TXLNG: variants seen among roughly 807,000 people sequenced by gnomAD.
The protein encoded by TXLNG is gamma-taxilin.
TXLNG carries 5 observed loss-of-function variants against 38.8 expected under a neutral mutation model. That is an observed-to-expected ratio of 0.13 (90% CI 0.07 to 0.27). The LOEUF (loss-of-function observed/expected upper bound fraction) is 0.27, where lower values mean the gene tolerates loss of function less well. TXLNG is among the 10% of genes least tolerant of loss of function. The pLI is 1.00. For synonymous variants in TXLNG, 182 were observed against 158.2 expected, an observed-to-expected ratio of 1.15 and a Z score of -1.13; for missense variants, 393 against 398.2, an observed-to-expected ratio of 0.99 and a Z score of 0.11.
chrX:16,815,275 A>T, intron 1 of TXLNG, among the ~76,000 whole-genome samples: 1 of 110,726 alleles, frequency 9.0e-6, no homozygotes, highest in Admixed American at 9.7e-5. Context: ...TCCCAGGTTC[A>T]AGCAATTCTC....
chrX:16,832,657 A>G lies in TXLNG; in HGVS notation c.899A>G (p.Gln300Arg). 2 of 1,211,154 alleles carry G rather than the reference A, an allele frequency of 1.7e-6. No homozygotes were observed. Among genetic ancestry groups the G allele is most frequent in the Non-Finnish European group, 2.2e-6 (2 of 895,167 alleles). The change falls in exon 6 of 10, where the codon CAA becomes CGA. Residue 300 changes from glutamine (Q) to arginine (R), a missense_variant. Transcript: ENST00000380122. ...IDKVFKHKEL[Q>R]QQLVDAKLQQ... ...AAGGTGTTCAAACATAAGGAACTGCAACAGCAGCTCGTGGATGCCAAACTG... is the reference window on the plus strand; with the variant it reads ...AAGGTGTTCAAACATAAGGAACTGCGACAGCAGCTCGTGGATGCCAAACTG...
At chrX:16,823,690 T>C (rs756529529) in intron 3 of TXLNG, among the ~76,000 whole-genome samples, 7 of 111,074 alleles carry the variant, frequency 6.3e-5, no homozygotes, top group African/African-American at 2.0e-4. Flanking sequence ...ACTGGGATTG[T>C]CCATTGGAGA....
intron 1 of TXLNG, among the ~76,000 whole-genome samples, chrX:16,788,667 G>GTTTTTTTTTTT (rs10668899): frequency 2.5e-5 from 2 of 80,348 alleles, no homozygotes; most frequent in African/African-American, 9.5e-5. Flanking sequence ...AACTTGTTGT[G>GTTTTTTTTTTT]TTTTTTTTTT....
At position 16,842,031 on chromosome X, in the gene TXLNG, C is replaced by T. The variant is rs1929866989; in HGVS notation, c.*265C>T. 9.4e-6 allele frequency: 3 copies of T among 319,112 alleles called. 1 individual carries two copies. The Middle Eastern group carries it at 2.6e-3, about 277-fold the overall frequency. 26.3% of individuals were successfully genotyped at this position (319,112 alleles called of 1,213,427 possible). ...GTTCATTGCCTTGTCCTTTCTCTCCCTGCTCCTTGCACATTATCATCCTAA... is the reference window on the plus strand; with the variant it reads ...GTTCATTGCCTTGTCCTTTCTCTCCTTGCTCCTTGCACATTATCATCCTAA... On this transcript the variant is annotated 3_prime_UTR_variant, in exon 10 of 10. Coordinates refer to ENST00000380122, the MANE Select transcript of TXLNG (RefSeq NM_018360.3).
At chrX:16,838,721 G>A (rs1410506523) in intron 8 of TXLNG, among the ~76,000 whole-genome samples, 2 of 111,775 alleles carry the variant, frequency 1.8e-5, no homozygotes, top group Non-Finnish European at 3.8e-5. Flanking sequence ...GCAATTGAGG[G>A]GGCGCTGTTA....
chrX:16,786,530 G>A lies in TXLNG; in HGVS notation c.43G>A (p.Gly15Ser). 2.7e-6 allele frequency: 3 copies of A among 1,105,212 alleles called. No individual in the cohort carries two copies. The highest frequency in any genetic ancestry group is 3.5e-6 in the Non-Finnish European group (3 of 846,408). 91.1% of individuals were successfully genotyped at this position (1,105,212 alleles called of 1,213,427 possible). A position where few individuals can be genotyped will look rare whatever the true frequency, so the allele number is the denominator to read the frequency against. Reference protein sequence around the residue: ...VEEAARGRGGGAEEATEAGRG... With the variant: ...VEEAARGRGGSAEEATEAGRG... ...GGAGGCAGCGCGGGGAAGAGGCGGCGGCGCCGAAGAGGCGACTGAGGCCGG... is the reference window on the plus strand; with the variant it reads ...GGAGGCAGCGCGGGGAAGAGGCGGCAGCGCCGAAGAGGCGACTGAGGCCGG... Residue 15 changes from glycine to serine, a missense_variant, in exon 1 of 10, where the codon GGC becomes AGC. Gly to Ser is a moderately conservative substitution (Grantham distance 56). Transcript: ENST00000380122.
intron 1 of TXLNG, 27 bp from the exon 2 acceptor site, chrX:16,818,547 C>T: frequency 8.4e-7 from 1 of 1,190,331 alleles, no homozygotes; most frequent in Non-Finnish European, 1.1e-6. Context: ...CCTTCTCCAT[C>T]TTTTTTCTCC....
intron 1 of TXLNG, among the ~76,000 whole-genome samples, chrX:16,801,619 A>T (rs183145991): frequency 1.0e-3 from 115 of 109,812 alleles, no homozygotes; most frequent in African/African-American, 3.4e-3. Flanking sequence ...CAACTGATTT[A>T]TTTAAAGGCA....
chrX:16,830,475 G>T (rs12383626), intron 5 of TXLNG, among the ~76,000 whole-genome samples: 48,273 of 102,489 alleles, frequency 0.47, 9,329 homozygotes, highest in East Asian at 0.83. Context: ...CTTTTAGAGG[G>T]CCGATGGACA....
intron 7 of TXLNG, among the ~76,000 whole-genome samples, chrX:16,835,078 TAAA>T (rs998731218): frequency 1.0e-5 from 1 of 96,047 alleles, no homozygotes. Context: ...GTTAGCTCCT[TAAA>T]AAAAAAAAAA....
intron 1 of TXLNG, among the ~76,000 whole-genome samples, chrX:16,796,302 C>T (rs1015326101): frequency 9.0e-6 from 1 of 111,352 alleles, no homozygotes; most frequent in East Asian, 2.8e-4. Flanking sequence ...TGTGCCCGGC[C>T]GCACTTGTTT....
At chrX:16,821,228 C>A (rs1182838107) in intron 3 of TXLNG, among the ~76,000 whole-genome samples, 5 of 104,200 alleles carry the variant, frequency 4.8e-5, no homozygotes, top group Non-Finnish European at 9.8e-5. Context: ...GCATCCTCCG[C>A]CTCCCGGGTT....
chrX:16,839,863 T>G lies in TXLNG; in HGVS notation c.1195T>G (p.Trp399Gly). The G allele has an allele frequency of 8.3e-7, 1 of 1,203,776 alleles. No homozygotes were observed. Among genetic ancestry groups the G allele is most frequent in the Non-Finnish European group, 1.1e-6 (1 of 891,533 alleles). The change falls in exon 9 of 10, where the codon TGG (tryptophan) becomes GGG (glycine). Residue 399 changes from tryptophan to glycine, a missense_variant. By Grantham distance (184) the Trp-to-Gly change is radical. Coordinates refer to ENST00000380122, the MANE Select transcript of TXLNG (RefSeq NM_018360.3). ...IKKLEKETII[W>G]RTKWENNNKA... Reference sequence around the variant, plus strand: ...AAAACTGGAAAAAGAAACAATAATTTGGCGTACCAAATGGGAAAACAATAA... The same window carrying G: ...AAAACTGGAAAAAGAAACAATAATTGGGCGTACCAAATGGGAAAACAATAA...
chrX:16,840,957 G>A (rs1279974411), intron 9 of TXLNG, among the ~76,000 whole-genome samples: 1 of 111,303 alleles, frequency 9.0e-6, no homozygotes, highest in Admixed American at 9.5e-5. Flanking sequence ...AGCGCTTCGG[G>A]AGGCCAAGGC....
chrX:16,828,147 A>G lies in TXLNG; in HGVS notation c.552A>G (p.Gln184=). ...AAATGAAGATCCTGCAGAAGAAGCA[A>G]GCCCAGATTGTGAAAGAGAAAGTTC... is the stretch of plus-strand genomic sequence containing the variant. ...QKQMKILQKK[Q]AQIVKEKVHL... is the part of the protein sequence containing the mutation. Residue 184 remains glutamine, a synonymous_variant, in exon 4 of 10, where the codon CAA becomes CAG. Coordinates refer to ENST00000380122, the MANE Select transcript of TXLNG (RefSeq NM_018360.3). 1 of 1,211,539 alleles carries G rather than the reference A, an allele frequency of 8.3e-7. No individual in the cohort carries two copies. The highest frequency in any genetic ancestry group is 1.7e-5 in the African/African-American group (1 of 57,868).
chrX:16,807,881 A>G (rs761430059), intron 1 of TXLNG, among the ~76,000 whole-genome samples: 28 of 111,918 alleles, frequency 2.5e-4, no homozygotes, highest in African/African-American at 9.1e-4. Flanking sequence ...GTAGAAGGGA[A>G]AGAAACCTAA....
chrX:16,829,123 T>G (rs181075596), intron 4 of TXLNG, among the ~76,000 whole-genome samples: 60 of 112,126 alleles, frequency 5.4e-4, no homozygotes, highest in Admixed American at 2.2e-3. Context: ...TAGCAAGAAT[T>G]GAAAGTAAGC....
chrX:16,841,651 C>T lies in TXLNG; in HGVS notation c.1472C>T (p.Thr491Ile), dbSNP rs763954086. 8.3e-7 allele frequency: 1 copy of T among 1,209,843 alleles called. No individual in the cohort carries two copies. Among genetic ancestry groups the T allele is most frequent in the East Asian group, 3.0e-5 (1 of 33,776 alleles). ...CTGGATTCTCACAAGGAGCTGAACACTTCCTCGAAAAGAGCCCTGGGAGCG... is the reference window on the plus strand; with the variant it reads ...CTGGATTCTCACAAGGAGCTGAACATTTCCTCGAAAAGAGCCCTGGGAGCG... The part of the protein sequence containing the change: ...TALDSHKELN[T>I]SSKRALGAHL... Residue 491 changes from threonine (T) to isoleucine (I), a missense_variant, in exon 10 of 10, where the codon ACT becomes ATT. By Grantham distance (89) the Thr-to-Ile change is moderately conservative. Transcript: ENST00000380122.
At chrX:16,818,182 ATAGC>A (rs756718852) in intron 1 of TXLNG, among the ~76,000 whole-genome samples, 40 of 110,952 alleles carry the variant, frequency 3.6e-4, no homozygotes, top group Admixed American at 8.7e-4. Context: ...GTTTTGATGG[ATAGC>A]TAGCTAGCCA....
Sources: gnomAD v4.1 joint callset for allele counts (sites outside exome capture counted in the v4.1 genomes callset) on GRCh38, gnomAD v4.1.1 for gene constraint, MANE v1.5 for transcripts, NCBI Gene and HGNC (gene_info 2026-07-23, HGNC 2026-07-21) for gene names.